Variants in SGCZ observed in about 807,000 individuals in gnomAD.
The protein encoded by SGCZ is zeta-sarcoglycan.
Under a neutral mutation model 41.3 loss-of-function variants are expected in SGCZ, and 40 were observed. The observed-to-expected ratio is 0.97, with a 90% CI of 0.75 to 1.26. The LOEUF (loss-of-function observed/expected upper bound fraction) is 1.26. Among genes scored for constraint, SGCZ ranks in the 50% most tolerant of loss-of-function variants. SGCZ has a pLI of 0.00. For missense variants in SGCZ, 552 were observed against 369.8 expected, an observed-to-expected ratio of 1.49 and a Z score of -4.04; for synonymous variants, 206 against 137.5, an observed-to-expected ratio of 1.50 and a Z score of -3.49.
chr8:15,124,318 T>C (rs1033068616), intron 1 of SGCZ, among the ~76,000 whole-genome samples: 4 of 152,170 alleles, frequency 2.6e-5, no homozygotes, highest in African/African-American at 9.7e-5. Flanking sequence ...GTGTTTATCT[T>C]TGAGGAGTAA....
intron 3 of SGCZ, among the ~76,000 whole-genome samples, chr8:14,240,624 T>C (rs1394442272): frequency 1.3e-5 from 2 of 152,160 alleles, no homozygotes; most frequent in Non-Finnish European, 2.9e-5. Context: ...TGTGTTCCTA[T>C]GAACATCAAT....
At chr8:14,639,819 A>C (rs2117424134) in intron 1 of SGCZ, among the ~76,000 whole-genome samples, 1 of 151,626 alleles carries the variant, frequency 6.6e-6, no homozygotes, top group Non-Finnish European at 1.5e-5. Flanking sequence ...CAAAGAAATT[A>C]TGAGTTAATG....
chr8:14,607,718 G>T (rs544861929), intron 1 of SGCZ, among the ~76,000 whole-genome samples: 1 of 152,114 alleles, frequency 6.6e-6, no homozygotes, highest in Non-Finnish European at 1.5e-5. Flanking sequence ...ATCAAGAAAA[G>T]ATAAATATAA....
intron 3 of SGCZ, among the ~76,000 whole-genome samples, chr8:14,254,111 T>C (rs1022451562): frequency 1.4e-4 from 22 of 152,274 alleles, no homozygotes; most frequent in Admixed American, 9.2e-4. Context: ...AACTGAAGAC[T>C]TTTTAAACCA....
intron 1 of SGCZ, among the ~76,000 whole-genome samples, chr8:15,148,051 G>T (rs911024300): frequency 7.9e-5 from 11 of 139,822 alleles, no homozygotes; most frequent in Admixed American, 3.4e-4. Flanking sequence ...TCTCAGAAGG[G>T]CTCTCAAGGA....
At chr8:15,098,059 A>T (rs1806454240) in intron 1 of SGCZ, among the ~76,000 whole-genome samples, 3 of 151,646 alleles carry the variant, frequency 2.0e-5, no homozygotes, top group Admixed American at 2.0e-4. Context: ...TTAACTCACG[A>T]CTTGGAAACC....
chr8:14,854,023 ATATATATATAT>A (rs1244470035), intron 1 of SGCZ, among the ~76,000 whole-genome samples: 4 of 56,308 alleles, frequency 7.1e-5, no homozygotes, highest in African/African-American at 5.9e-4. Flanking sequence ...TGATTATATT[ATATATATATAT>A]ATATATATAT....
chr8:14,843,980 G>A (rs1205274002), intron 1 of SGCZ, among the ~76,000 whole-genome samples: 2 of 151,438 alleles, frequency 1.3e-5, no homozygotes, highest in Non-Finnish European at 2.9e-5. Context: ...GGGAAGCTAT[G>A]TTTTGTGTTC....
intron 1 of SGCZ, among the ~76,000 whole-genome samples, chr8:14,575,233 A>G (rs564857737): frequency 1.1e-3 from 160 of 152,330 alleles, no homozygotes; most frequent in Admixed American, 1.6e-3. Flanking sequence ...AGATGCTTAT[A>G]TAGGGGTAAA....
At chr8:14,650,989 A>C (rs73664423) in intron 1 of SGCZ, among the ~76,000 whole-genome samples, 5,325 of 152,140 alleles carry the variant, frequency 0.035, 335 homozygotes, top group African/African-American at 0.12. Context: ...TATAAACTAT[A>C]AAACCAAGTC....
At chr8:14,673,790 C>T (rs1008870274) in intron 1 of SGCZ, among the ~76,000 whole-genome samples, 1 of 152,012 alleles carries the variant, frequency 6.6e-6, no homozygotes, top group Non-Finnish European at 1.5e-5. Flanking sequence ...CAATCTGATG[C>T]CCGATGTAGA....
At chr8:14,575,921 A>G (rs1248920131) in intron 1 of SGCZ, among the ~76,000 whole-genome samples, 76 of 150,072 alleles carry the variant, frequency 5.1e-4, no homozygotes, top group Non-Finnish European at 8.8e-4. Flanking sequence ...AACAAAAAAA[A>G]AAAAAAAAAA....
At chr8:14,469,399 A>G (rs1188820949) in intron 2 of SGCZ, among the ~76,000 whole-genome samples, 4 of 152,116 alleles carry the variant, frequency 2.6e-5, no homozygotes. Context: ...TCCCTCTCAC[A>G]TATGCATGGA....
chr8:14,237,520 GAACCAAA>G (rs906297695), intron 4 of SGCZ, 65 bp downstream of exon 4: 262 of 1,356,540 alleles, frequency 1.9e-4, no homozygotes, highest in Non-Finnish European at 5.0e-5. Context: ...ACAACAACAA[GAACCAAA>G]AACCAAAAAC....
intron 5 of SGCZ, among the ~76,000 whole-genome samples, chr8:14,108,711 C>T (rs1275553627): frequency 6.6e-6 from 1 of 152,074 alleles, no homozygotes; most frequent in Non-Finnish European, 1.5e-5. Context: ...AACCGTATCA[C>T]AGGATATGAA....
intron 2 of SGCZ, among the ~76,000 whole-genome samples, chr8:14,442,479 G>A (rs189160741): frequency 2.6e-5 from 4 of 152,190 alleles, no homozygotes; most frequent in East Asian, 3.9e-4. Context: ...GTCTTTAATA[G>A]CAGCATGAAA....
chr8:15,010,881 G>A (rs377577133), intron 1 of SGCZ, among the ~76,000 whole-genome samples: 1 of 152,176 alleles, frequency 6.6e-6, no homozygotes, highest in African/African-American at 2.4e-5. Flanking sequence ...CACAGATGCT[G>A]CTCCCTATAC....
At chr8:14,568,684 C>T (rs1365810913) in intron 1 of SGCZ, among the ~76,000 whole-genome samples, 1 of 152,152 alleles carries the variant, frequency 6.6e-6, no homozygotes, top group Admixed American at 6.5e-5. Context: ...CTGCTTCTTC[C>T]TGTCAGGCAT....
intron 1 of SGCZ, among the ~76,000 whole-genome samples, chr8:14,711,768 C>T (rs1480159211): frequency 1.3e-5 from 2 of 152,124 alleles, no homozygotes; most frequent in Non-Finnish European, 2.9e-5. Flanking sequence ...CACATAGTAA[C>T]ACTAATCGCC....
Sources: gnomAD v4.1 joint callset for allele counts (sites outside exome capture counted in the v4.1 genomes callset) on GRCh38, gnomAD v4.1.1 for gene constraint, MANE v1.5 for transcripts, NCBI Gene and HGNC (gene_info 2026-07-23, HGNC 2026-07-21) for gene names.